Variants in ANK2 observed in about 807,000 individuals in gnomAD.
The protein encoded by ANK2 is ankyrin-2.
Under a neutral mutation model 360.5 loss-of-function variants are expected in ANK2, and 83 were observed. The observed-to-expected ratio is 0.23, with a 90% CI of 0.19 to 0.28. The LOEUF is 0.28. Ranked by LOEUF, ANK2 falls within the 10% of genes least tolerant of loss-of-function variation. ANK2 has a pLI of 1.00. For missense variants in ANK2, 4,201 were observed against 4,795.7 expected, an observed-to-expected ratio of 0.88 and a Z score of 3.66; for synonymous variants, 1,740 against 1,759.5, an observed-to-expected ratio of 0.99 and a Z score of 0.28.
chr4:113,177,316 G>A (rs1030351931), intron 2 of ANK2, among the ~76,000 whole-genome samples: 12 of 152,112 alleles, frequency 7.9e-5, no homozygotes, highest in Non-Finnish European at 1.6e-4. Context: ...TCCTGACCTC[G>A]TGATCAGCCC....
chr4:113,154,338 A>G (rs1275720838), intron 1 of ANK2, among the ~76,000 whole-genome samples: 1 of 152,230 alleles, frequency 6.6e-6, no homozygotes, highest in Non-Finnish European at 1.5e-5. Flanking sequence ...GGAGTAAGGT[A>G]CTATAAGACA....
At chr4:112,848,978 A>G (rs925197062) in intron 1 of ANK2, among the ~76,000 whole-genome samples, 3 of 152,254 alleles carry the variant, frequency 2.0e-5, no homozygotes, top group Non-Finnish European at 4.4e-5. Flanking sequence ...CTGTGAAACA[A>G]TCTGCAAAAT....
At chr4:112,941,291 A>G (rs1368017682) in intron 2 of ANK2, among the ~76,000 whole-genome samples, 4 of 147,720 alleles carry the variant, frequency 2.7e-5, no homozygotes, top group Non-Finnish European at 6.0e-5. Context: ...ATATATATAA[A>G]GATATATAAA....
At position 113,308,865 on chromosome 4, in the gene ANK2, A is replaced by G. The variant is rs78387500; in HGVS notation, c.2549-2390A>G. Among the ~76,000 whole-genome samples, 247 of 151,936 alleles carry G rather than the reference A, an allele frequency of 1.6e-3. 1 individual carries two copies. Among genetic ancestry groups the G allele is most frequent in the African/African-American group, 5.4e-3 (223 of 41,536 alleles). ...TTGAAGATGAAGGGCCTAGCAGACA[A>G]TGTATCTAGGAAGTTGGGAGGGGAT... On this transcript the variant is annotated intron_variant, in intron 23 of 45. Coordinates refer to ENST00000357077, the MANE Select transcript of ANK2 (RefSeq NM_001148.6).
chr4:112,735,336 T>TAAATAAAATAAAATA, the ANK2 span, among the ~76,000 whole-genome samples: 2 of 150,916 alleles, frequency 1.3e-5, no homozygotes, highest in East Asian at 3.9e-4. Context: ...GTTTCAAAAA[T>TAAATAAAATAAAATA]AAATAAAATA....
At chr4:112,727,851 A>G in the ANK2 span, among the ~76,000 whole-genome samples, 2 of 152,118 alleles carry the variant, frequency 1.3e-5, no homozygotes, top group African/African-American at 4.8e-5. Flanking sequence ...GTAGTGGGGC[A>G]TGCCTCTAAT....
In ANK2 at chr4:113,355,832, G is replaced by T; in HGVS notation, c.7214G>T (p.Ser2405Ile). ...TCAAAACCTCAGGGAGTCATTAGAAGTCCCCAAGGGTTAGAACTTGCACTC... is the reference window on the plus strand; with the variant it reads ...TCAAAACCTCAGGGAGTCATTAGAATTCCCCAAGGGTTAGAACTTGCACTC... ...TESKPQGVIR[S>I]PQGLELALPS... Residue 2405 changes from serine (S) to isoleucine (I), a missense_variant, in exon 38 of 46, where the codon AGT (serine) becomes ATT (isoleucine). Ser to Ile is a moderately radical substitution (Grantham distance 142). Transcript: ENST00000357077. 1 of 1,614,068 alleles carries T rather than the reference G, an allele frequency of 6.2e-7. No individual in the cohort carries two copies. The highest frequency in any genetic ancestry group is 1.1e-5 in the South Asian group (1 of 91,078).
chr4:113,215,591 A>G (rs975530688), intron 4 of ANK2, among the ~76,000 whole-genome samples: 9 of 152,146 alleles, frequency 5.9e-5, no homozygotes, highest in African/African-American at 1.7e-4. Flanking sequence ...CAGCATATTA[A>G]CTTTACCTTG....
chr4:112,952,970 A>G (rs1051101903), intron 2 of ANK2, among the ~76,000 whole-genome samples: 1 of 152,208 alleles, frequency 6.6e-6, no homozygotes, highest in Non-Finnish European at 1.5e-5. Context: ...CAGCATCACT[A>G]CAGAAATTGT....
chr4:112,931,763 A>C (rs763529930), intron 2 of ANK2, among the ~76,000 whole-genome samples: 9 of 152,206 alleles, frequency 5.9e-5, no homozygotes, highest in Non-Finnish European at 1.3e-4. Context: ...TCTTTCAAAC[A>C]GTATCCTATG....
chr4:113,302,829 T>C lies in ANK2; in HGVS notation c.2538T>C (p.Ser846=). The part of the protein sequence containing the change: ...PETMTEVLDV[S]DEEGDDTMTG... ...CGATGACTGAGGTTCTTGATGTTTC[T>C]GATGAAGAGGGTAAGACTTCTATTC... Residue 846 remains serine (S), a synonymous_variant, in exon 23 of 46, where the codon TCT becomes TCC. Transcript: ENST00000357077. The C allele has an allele frequency of 1.2e-6, 2 of 1,613,268 alleles. No individual in the cohort carries two copies. Among genetic ancestry groups the C allele is most frequent in the Non-Finnish European group, 1.7e-6 (2 of 1,179,202 alleles).
intron 1 of ANK2, among the ~76,000 whole-genome samples, chr4:113,108,054 A>T (rs2154363699): frequency 6.6e-6 from 1 of 152,322 alleles, no homozygotes; most frequent in Non-Finnish European, 1.5e-5. Flanking sequence ...ACATTCGTTT[A>T]CCAATGATCT....
chr4:112,821,728 A>T (rs934816668), intron 1 of ANK2, among the ~76,000 whole-genome samples: 4 of 148,866 alleles, frequency 2.7e-5, no homozygotes, highest in Non-Finnish European at 4.4e-5. Context: ...CCACGAGAAC[A>T]TTTAGAAGCT....
At chr4:112,942,018 A>G (rs2094259392) in intron 2 of ANK2, among the ~76,000 whole-genome samples, 2 of 151,764 alleles carry the variant, frequency 1.3e-5, no homozygotes. Context: ...TTGTTGTTTT[A>G]TTTTTATGTG....
intron 1 of ANK2, among the ~76,000 whole-genome samples, chr4:113,157,969 A>T (rs1429142861): frequency 6.6e-6 from 1 of 152,210 alleles, no homozygotes; most frequent in East Asian, 1.9e-4. Flanking sequence ...ATTGTGGTAA[A>T]AGGTGTGAGA....
intron 4 of ANK2, among the ~76,000 whole-genome samples, chr4:113,228,544 C>T (rs1347542505): frequency 2.0e-5 from 3 of 152,166 alleles, no homozygotes; most frequent in African/African-American, 7.2e-5. Flanking sequence ...GGTATTAGTA[C>T]ATGGTATATA....
chr4:113,354,681 A>G lies in ANK2; in HGVS notation c.6063A>G (p.Pro2021=). 6.2e-7 allele frequency: 1 copy of G among 1,614,156 alleles called. No individual in the cohort carries two copies. The highest frequency in any genetic ancestry group is 8.5e-7 in the Non-Finnish European group (1 of 1,179,998). ...FEHKSAKQKQ[P]QEKGKVRVEK... is the part of the protein sequence containing the mutation. The stretch of plus-strand genomic sequence containing the variant: ...ACAAATCAGCAAAACAAAAGCAGCC[A>G]CAAGAGAAAGGTAAAGTTCGGGTAG... The change falls in exon 38 of 46, where the codon CCA becomes CCG. Residue 2021 remains proline (P), a synonymous_variant. Coordinates refer to ENST00000357077, the MANE Select transcript of ANK2 (RefSeq NM_001148.6).
At chr4:113,291,554 A>G (rs1015283940) in intron 20 of ANK2, among the ~76,000 whole-genome samples, 1 of 152,244 alleles carries the variant, frequency 6.6e-6, no homozygotes, top group Non-Finnish European at 1.5e-5. Context: ...ACCCACATCT[A>G]TAGTAGACAG....
intron 1 of ANK2, among the ~76,000 whole-genome samples, chr4:112,855,157 C>T (rs932322328): frequency 6.6e-6 from 1 of 152,166 alleles, no homozygotes; most frequent in Non-Finnish European, 1.5e-5. Context: ...TATGTATTTA[C>T]AGAAGGACTC....
Sources: allele counts gnomAD v4.1 joint callset (sites outside exome capture counted in the v4.1 genomes callset), GRCh38; gene constraint gnomAD v4.1.1; transcripts MANE v1.5; gene names NCBI Gene and HGNC (gene_info 2026-07-23, HGNC 2026-07-21).